Variants in RTKN2 observed in about 807,000 individuals in gnomAD.
RTKN2 encodes rhotekin 2, also known as rhotekin-2.
In RTKN2, 69 loss-of-function variants were observed where a neutral mutation model predicts 71.5. The observed-to-expected ratio is 0.96, with a 90% CI of 0.79 to 1.18. RTKN2 has a LOEUF of 1.18. Ranked by LOEUF, RTKN2 falls within the 50% of genes most tolerant of loss-of-function variation. The pLI is 0.00. For missense variants in RTKN2, 724 were observed against 719.7 expected, an observed-to-expected ratio of 1.01 and a Z score of -0.07; for synonymous variants, 236 against 236.5, an observed-to-expected ratio of 1.00 and a Z score of 0.02.
intron 7 of RTKN2, among the ~76,000 whole-genome samples, chr10:62,222,082 A>C (rs977892432): frequency 6.6e-6 from 1 of 152,124 alleles, no homozygotes. Context: ...AACTGAGGGA[A>C]AGGAGGGGTA....
intron 3 of RTKN2, among the ~76,000 whole-genome samples, chr10:62,242,850 C>T (rs532109006): frequency 8.6e-5 from 13 of 151,964 alleles, no homozygotes; most frequent in African/African-American, 2.2e-4. Flanking sequence ...AGGTTGGTCT[C>T]GAACTCCTGA....
chr10:62,200,294 CA>C (rs2132806216), intron 10 of RTKN2, among the ~76,000 whole-genome samples: 2 of 128,706 alleles, frequency 1.6e-5, no homozygotes, highest in South Asian at 5.0e-4. Flanking sequence ...ACTTGGGAGG[CA>C]GAGGTTACAA....
intron 10 of RTKN2, among the ~76,000 whole-genome samples, chr10:62,204,430 C>T (rs190498327): frequency 1.1e-3 from 172 of 152,170 alleles, no homozygotes; most frequent in African/African-American, 3.9e-3. Flanking sequence ...AAGATGATAA[C>T]GAATCTGGAG....
intron 10 of RTKN2, among the ~76,000 whole-genome samples, chr10:62,201,883 A>C (rs1178416235): frequency 1.3e-5 from 2 of 152,344 alleles, no homozygotes; most frequent in South Asian, 4.1e-4. Context: ...CAATATGCTA[A>C]CATGAAAACA....
chr10:62,218,718 C>G (rs1841834408), intron 7 of RTKN2, among the ~76,000 whole-genome samples: 1 of 152,056 alleles, frequency 6.6e-6, no homozygotes, highest in African/African-American at 2.4e-5. Flanking sequence ...AAAAGTGATC[C>G]TCTGAATAAA....
At chr10:62,213,631 T>A (rs146989473) in intron 9 of RTKN2, among the ~76,000 whole-genome samples, 18 of 152,260 alleles carry the variant, frequency 1.2e-4, no homozygotes, top group African/African-American at 3.4e-4. Flanking sequence ...AAGGTCCCTA[T>A]TTTTATTAAT....
intron 9 of RTKN2, among the ~76,000 whole-genome samples, chr10:62,211,569 G>C (rs1040206602): frequency 1.3e-5 from 2 of 152,020 alleles, no homozygotes; most frequent in African/African-American, 2.4e-5. Flanking sequence ...ACAATCAAAA[G>C]ACAAAAAACT....
At chr10:62,219,029 C>T (rs563055783) in intron 7 of RTKN2, among the ~76,000 whole-genome samples, 4 of 111,480 alleles carry the variant, frequency 3.6e-5, no homozygotes, top group South Asian at 2.7e-4. Flanking sequence ...TTTCAGAGAA[C>T]TTAAGATAAC....
At chr10:62,242,273 T>C (rs1034703868) in intron 3 of RTKN2, among the ~76,000 whole-genome samples, 2 of 152,206 alleles carry the variant, frequency 1.3e-5, no homozygotes, top group African/African-American at 4.8e-5. Context: ...GAACAAATTT[T>C]GTCAAAATTT....
At chr10:62,200,730 C>G (rs1302392167) in intron 10 of RTKN2, among the ~76,000 whole-genome samples, 1 of 151,950 alleles carries the variant, frequency 6.6e-6, no homozygotes, top group South Asian at 2.1e-4. Context: ...TTTTCAAAAT[C>G]ATTTAACTCT....
At chr10:62,203,531 T>TA (rs911664101) in intron 10 of RTKN2, among the ~76,000 whole-genome samples, 1 of 151,992 alleles carries the variant, frequency 6.6e-6, no homozygotes, top group African/African-American at 2.4e-5. Context: ...TTTTAGTAGA[T>TA]ACGGGGTTTT....
chr10:62,187,627 CTTTT>C (rs1448795347), intron 8 of RTKN2, among the ~76,000 whole-genome samples: 1 of 152,086 alleles, frequency 6.6e-6, no homozygotes, highest in Non-Finnish European at 1.5e-5. Context: ...ATGTGAACCA[CTTTT>C]TTTTCCTTTT....
intron 6 of RTKN2, among the ~76,000 whole-genome samples, chr10:62,226,981 T>G (rs1423361752): frequency 6.6e-6 from 1 of 152,066 alleles, no homozygotes; most frequent in African/African-American, 2.4e-5. Context: ...AGAAGGGGGT[T>G]TTAAATTGAT....
chr10:62,192,923 A>C (rs1376232750), downstream of RTKN2, among the ~76,000 whole-genome samples: 2 of 152,170 alleles, frequency 1.3e-5, no homozygotes, highest in Non-Finnish European at 2.9e-5. Flanking sequence ...ATACCTGAAG[A>C]ATCTAACACA....
intron 6 of RTKN2, among the ~76,000 whole-genome samples, chr10:62,225,666 T>TA (rs1204607966): frequency 1.3e-5 from 2 of 152,200 alleles, no homozygotes; most frequent in Non-Finnish European, 2.9e-5. Flanking sequence ...TTGTGGTACT[T>TA]ACGTTAAAAT....
chr10:62,238,364 C>T (rs1426258171), intron 5 of RTKN2: 2 of 151,830 alleles, frequency 1.3e-5, no homozygotes, highest in Non-Finnish European at 2.9e-5. Flanking sequence ...TTACAGAATT[C>T]TCAAAAAATT....
chr10:62,255,666 A>C (rs1842661208), intron 2 of RTKN2, among the ~76,000 whole-genome samples: 1 of 152,222 alleles, frequency 6.6e-6, no homozygotes, highest in African/African-American at 2.4e-5. Flanking sequence ...AGCTCATTGG[A>C]TAACAGAATA....
intron 10 of RTKN2, among the ~76,000 whole-genome samples, chr10:62,202,706 GTTC>G (rs1841468474): frequency 6.6e-6 from 1 of 152,062 alleles, no homozygotes; most frequent in South Asian, 2.1e-4. Flanking sequence ...ATGTCATGAG[GTTC>G]TTATTCTTTC....
At chr10:62,225,091 C>T (rs12360043) in intron 6 of RTKN2, among the ~76,000 whole-genome samples, 25,023 of 152,178 alleles carry the variant, frequency 0.16, 2,171 homozygotes, top group African/African-American at 0.19. Context: ...TCAACCTTGG[C>T]CTCTAAGGAC....
Sources: gnomAD v4.1 joint callset for allele counts (sites outside exome capture counted in the v4.1 genomes callset) on GRCh38, gnomAD v4.1.1 for gene constraint, MANE v1.5 for transcripts, NCBI Gene and HGNC (gene_info 2026-07-23, HGNC 2026-07-21) for gene names.